CNTNAP2: variants seen among roughly 807,000 people sequenced by gnomAD.
CNTNAP2 encodes the protein contactin-associated protein-like 2.
In CNTNAP2, 98 loss-of-function variants were observed where a neutral mutation model predicts 155.2. The observed-to-expected ratio is 0.63, with a 90% CI of 0.54 to 0.75. The LOEUF (loss-of-function observed/expected upper bound fraction) is 0.75, where lower values mean the gene tolerates loss of function less well. Ranked by LOEUF, CNTNAP2 falls within the 30% of genes least tolerant of loss-of-function variation. The pLI, the probability that CNTNAP2 is intolerant of heterozygous loss-of-function variation, is 0.00. For missense variants in CNTNAP2, 1,727 were observed against 1,688.1 expected, an observed-to-expected ratio of 1.02 and a Z score of -0.40; for synonymous variants, 651 against 631.2, an observed-to-expected ratio of 1.03 and a Z score of -0.47.
intron 13 of CNTNAP2, among the ~76,000 whole-genome samples, chr7:147,813,829 T>C (rs966591901): frequency 2.6e-5 from 4 of 152,182 alleles, no homozygotes; most frequent in South Asian, 2.1e-4. Context: ...CCATTGAGAT[T>C]GAAGGAATCT....
At chr7:146,925,248 G>A (rs1035775204) in intron 3 of CNTNAP2, among the ~76,000 whole-genome samples, 8 of 151,816 alleles carry the variant, frequency 5.3e-5, no homozygotes, top group Non-Finnish European at 1.2e-4. Flanking sequence ...TATATAAATC[G>A]CACCTTTATT....
intron 21 of CNTNAP2, among the ~76,000 whole-genome samples, chr7:148,305,245 A>G (rs1256993024): frequency 6.9e-6 from 1 of 144,070 alleles, no homozygotes; most frequent in Non-Finnish European, 1.5e-5. Context: ...AAAAAAAAAA[A>G]AAAAAAAGTT....
At chr7:147,530,342 G>C (rs1424254658) in intron 11 of CNTNAP2, among the ~76,000 whole-genome samples, 1 of 152,034 alleles carries the variant, frequency 6.6e-6, no homozygotes, top group Non-Finnish European at 1.5e-5. Flanking sequence ...TCCGTGCCTG[G>C]CTAATTTTTG....
intron 7 of CNTNAP2, among the ~76,000 whole-genome samples, chr7:147,130,451 C>A (rs933210224): frequency 1.3e-5 from 2 of 151,606 alleles, no homozygotes; most frequent in African/African-American, 4.9e-5. Context: ...GACTCTGTCC[C>A]CCCAAAAATA....
At chr7:146,374,872 A>G (rs375388973) in intron 1 of CNTNAP2, among the ~76,000 whole-genome samples, 1 of 152,174 alleles carries the variant, frequency 6.6e-6, no homozygotes, top group African/African-American at 2.4e-5. Context: ...TGAATGTGCA[A>G]CTACAGAATT....
intron 18 of CNTNAP2, among the ~76,000 whole-genome samples, chr7:148,202,960 A>G (rs1165514580): frequency 6.6e-6 from 1 of 152,156 alleles, no homozygotes; most frequent in Non-Finnish European, 1.5e-5. Flanking sequence ...CAGATAAAGT[A>G]TAATAACTTT....
chr7:147,297,662 G>A (rs1525211), intron 8 of CNTNAP2, among the ~76,000 whole-genome samples: 65,275 of 151,948 alleles, frequency 0.43, 14,919 homozygotes, highest in East Asian at 0.76. Context: ...AGTACTTTTC[G>A]TGAGTTCAAA....
chr7:146,490,966 T>C (rs1797129806), intron 1 of CNTNAP2, among the ~76,000 whole-genome samples: 1 of 152,168 alleles, frequency 6.6e-6, no homozygotes, highest in Non-Finnish European at 1.5e-5. Flanking sequence ...TGGAAAAATA[T>C]GCTATATGTA....
intron 12 of CNTNAP2, among the ~76,000 whole-genome samples, chr7:147,631,957 G>T (rs1795093513): frequency 6.6e-6 from 1 of 152,050 alleles, no homozygotes; most frequent in African/African-American, 2.4e-5. Context: ...GAAAGCAAAT[G>T]CACCAAAAAC....
intron 12 of CNTNAP2, among the ~76,000 whole-genome samples, chr7:147,637,583 A>T (rs189737092): frequency 6.6e-6 from 1 of 152,188 alleles, no homozygotes; most frequent in African/African-American, 2.4e-5. Flanking sequence ...TTTGCAATTT[A>T]TCAGTTGATA....
intron 13 of CNTNAP2, among the ~76,000 whole-genome samples, chr7:147,835,165 G>A (rs987984855): frequency 2.0e-5 from 3 of 152,090 alleles, no homozygotes; most frequent in African/African-American, 7.2e-5. Context: ...CAGCCACAGA[G>A]GTCAGGGAAG....
chr7:146,571,835 G>A (rs1798445295), intron 1 of CNTNAP2, among the ~76,000 whole-genome samples: 1 of 151,420 alleles, frequency 6.6e-6, no homozygotes, highest in Non-Finnish European at 1.5e-5. Context: ...AGGTTCAAGT[G>A]ATTCTCCCAT....
At chr7:148,048,185 A>C (rs910315211) in intron 15 of CNTNAP2, among the ~76,000 whole-genome samples, 4 of 150,922 alleles carry the variant, frequency 2.7e-5, no homozygotes, top group African/African-American at 7.3e-5. Flanking sequence ...CGGCCTCCCA[A>C]AGTGCTGGGA....
intron 1 of CNTNAP2, among the ~76,000 whole-genome samples, chr7:146,424,391 C>T (rs1192132332): frequency 6.6e-6 from 1 of 152,198 alleles, no homozygotes; most frequent in Non-Finnish European, 1.5e-5. Context: ...CAAGAAGCTT[C>T]TTCTACTGGA....
intron 14 of CNTNAP2, among the ~76,000 whole-genome samples, chr7:147,952,520 T>C (rs1232111758): frequency 6.6e-6 from 1 of 152,036 alleles, no homozygotes; most frequent in Non-Finnish European, 1.5e-5. Flanking sequence ...GCACATTAAA[T>C]TGAACATATT....
At chr7:146,450,028 T>A (rs192038453) in intron 1 of CNTNAP2, among the ~76,000 whole-genome samples, 1 of 152,320 alleles carries the variant, frequency 6.6e-6, no homozygotes, top group African/African-American at 2.4e-5. Flanking sequence ...CCTCAGTATA[T>A]CCTTACATTA....
At chr7:147,725,476 C>G (rs960807110) in intron 13 of CNTNAP2, among the ~76,000 whole-genome samples, 4 of 151,946 alleles carry the variant, frequency 2.6e-5, no homozygotes, top group African/African-American at 9.7e-5. Context: ...ATATTAAAGC[C>G]CTGCCTTGGG....
At chr7:147,151,272 C>A (rs1320283832) in intron 8 of CNTNAP2, among the ~76,000 whole-genome samples, 1 of 152,040 alleles carries the variant, frequency 6.6e-6, no homozygotes, top group Non-Finnish European at 1.5e-5. Flanking sequence ...GGCAAATGTT[C>A]CAAAGCCAGG....
chr7:147,567,484 G>A (rs1800196127), intron 12 of CNTNAP2, among the ~76,000 whole-genome samples: 2 of 152,122 alleles, frequency 1.3e-5, no homozygotes, highest in South Asian at 2.1e-4. Context: ...ATAAGACAGG[G>A]AAACAAGTTC....
Sources: allele counts gnomAD v4.1 joint callset (sites outside exome capture counted in the v4.1 genomes callset), GRCh38; gene constraint gnomAD v4.1.1; transcripts MANE v1.5; gene names NCBI Gene and HGNC (gene_info 2026-07-23, HGNC 2026-07-21).